Variants in PCSK5 observed in about 807,000 individuals in gnomAD.
PCSK5 encodes proprotein convertase subtilisin/kexin type 5, also known as prohormone convertase 5.
PCSK5 carries 129 observed loss-of-function variants against 233.2 expected under a neutral mutation model. That is an observed-to-expected ratio of 0.55 (90% CI 0.48 to 0.64). The LOEUF is 0.64. Among genes scored for constraint, PCSK5 ranks in the 30% least tolerant of loss-of-function variants. The pLI, the probability that PCSK5 is intolerant of heterozygous loss-of-function variation, is 0.00. For missense variants in PCSK5, 2,076 were observed against 2,430.1 expected, an observed-to-expected ratio of 0.85 and a Z score of 3.06; for synonymous variants, 825 against 879.2, an observed-to-expected ratio of 0.94 and a Z score of 1.09.
At chr9:76,216,256 G>C (rs1005958292) in intron 20 of PCSK5, among the ~76,000 whole-genome samples, 2 of 152,084 alleles carry the variant, frequency 1.3e-5, no homozygotes, top group African/African-American at 4.8e-5. Flanking sequence ...AGATGGGGTA[G>C]AGAGAAGCAT....
In PCSK5 at chr9:76,188,650, C is replaced by T; in HGVS notation, c.2355C>T (p.Cys785=). Residue 785 remains cysteine (C), a synonymous_variant, in exon 18 of 38, where the codon TGC becomes TGT. Coordinates refer to ENST00000674117, the MANE Select transcript of PCSK5 (RefSeq NM_001372043.1). ...TCAACGGCCAGGACTGCCAGCCCTGCCACCGCTTCTGCGCCACTTGTGCTG... is the reference window on the plus strand; with the variant it reads ...TCAACGGCCAGGACTGCCAGCCCTGTCACCGCTTCTGCGCCACTTGTGCTG... ...RYFNGQDCQP[C]HRFCATCAGA... 1 of 1,613,028 alleles carries T rather than the reference C, an allele frequency of 6.2e-7. No homozygotes were observed. The highest frequency in any genetic ancestry group is 8.5e-7 in the Non-Finnish European group (1 of 1,179,020).
intron 20 of PCSK5, among the ~76,000 whole-genome samples, chr9:76,214,294 T>TCA (rs34030142): frequency 0.42 from 63,200 of 150,644 alleles, 14,117 homozygotes; most frequent in East Asian, 0.64. Context: ...CCACATTCAC[T>TCA]CACACACACA....
chr9:76,244,209 G>C (rs1213223142), intron 24 of PCSK5, among the ~76,000 whole-genome samples: 1 of 152,140 alleles, frequency 6.6e-6, no homozygotes, highest in Non-Finnish European at 1.5e-5. Context: ...CTGGGCAACA[G>C]AGCAAGATCC....
chr9:76,084,122 G>A (rs547675535), intron 7 of PCSK5, among the ~76,000 whole-genome samples: 1 of 152,314 alleles, frequency 6.6e-6, no homozygotes, highest in South Asian at 2.1e-4. Flanking sequence ...GTGGAATTCT[G>A]TGTATTTAGA....
intron 24 of PCSK5, among the ~76,000 whole-genome samples, chr9:76,257,369 G>A (rs1228663531): frequency 6.6e-6 from 1 of 152,212 alleles, no homozygotes; most frequent in Non-Finnish European, 1.5e-5. Flanking sequence ...GGATAAGACA[G>A]GAGCATCTGC....
intron 20 of PCSK5, among the ~76,000 whole-genome samples, chr9:76,199,378 C>T (rs910037213): frequency 2.0e-5 from 3 of 152,188 alleles, no homozygotes; most frequent in Admixed American, 6.6e-5. Context: ...GTCATATATA[C>T]AGTCTGTTAT....
chr9:76,079,964 C>G (rs549847657), intron 7 of PCSK5, among the ~76,000 whole-genome samples: 8 of 152,276 alleles, frequency 5.3e-5, no homozygotes, highest in Admixed American at 1.3e-4. Flanking sequence ...TGGTAAATCA[C>G]ATTTATTGAT....
In PCSK5 at chr9:76,237,505, C is replaced by T. The variant is rs372607805; in HGVS notation, c.2867-1454C>T. Among the ~76,000 whole-genome samples the T allele has an allele frequency of 1.4e-4, 21 of 152,110 alleles. 1 individual carries two copies. The East Asian group carries it at 3.7e-3, about 27-fold the overall frequency. On this transcript the variant is annotated intron_variant, in intron 22 of 37. Transcript: ENST00000674117. ...ATTTCAGGCGAGGCACAGTGGCTCACGCCTGTAATCCCAGAACTTTGGGAG... is the reference window on the plus strand; with the variant it reads ...ATTTCAGGCGAGGCACAGTGGCTCATGCCTGTAATCCCAGAACTTTGGGAG...
chr9:76,258,686 C>T (rs1287399770), intron 24 of PCSK5, among the ~76,000 whole-genome samples: 1 of 152,160 alleles, frequency 6.6e-6, no homozygotes, highest in Non-Finnish European at 1.5e-5. Flanking sequence ...AAAAATTTGG[C>T]ATGCAAGAAC....
chr9:76,346,627 T>C (rs1284872562), intron 35 of PCSK5, among the ~76,000 whole-genome samples: 1 of 152,224 alleles, frequency 6.6e-6, no homozygotes, highest in East Asian at 1.9e-4. Flanking sequence ...AGCAGTCCTT[T>C]CTTTACTATA....
intron 24 of PCSK5, among the ~76,000 whole-genome samples, chr9:76,253,827 T>G (rs562315975): frequency 5.9e-5 from 9 of 152,362 alleles, no homozygotes; most frequent in African/African-American, 2.2e-4. Context: ...AGCAGTTTGT[T>G]TGGAGCAACC....
Position 76,107,273 on chromosome 9 carries a change from G to A in PCSK5, c.1130G>A (p.Arg377His). 6.2e-7 allele frequency: 1 copy of A among 1,613,546 alleles called. No homozygotes were observed. The highest frequency in any genetic ancestry group is 8.5e-7 in the Non-Finnish European group (1 of 1,179,610). The change falls in exon 9 of 38, where the codon CGT becomes CAT. Residue 377 changes from arginine (R) to histidine (H), a missense_variant. Around this residue, in one of 6 missense-constraint regions of PCSK5, gnomAD observed 178 missense variants for 393.6 expected, o/e 0.45. Coordinates refer to ENST00000674117, the MANE Select transcript of PCSK5 (RefSeq NM_001372043.1). Reference sequence around the variant, plus strand: ...CAGATCACTACAGATCTGAGGCAGCGTTGCACGGACAACCACACTGGGACG... The same window carrying A: ...CAGATCACTACAGATCTGAGGCAGCATTGCACGGACAACCACACTGGGACG... ...KKIITTDLRQ[R>H]CTDNHTGTSA...
intron 21 of PCSK5, among the ~76,000 whole-genome samples, chr9:76,231,967 T>TCGGC (rs2131316966): frequency 1.3e-5 from 2 of 152,052 alleles, no homozygotes; most frequent in East Asian, 3.9e-4. Flanking sequence ...TCGGCTTGAA[T>TCGGC]CCCATTCTGC....
intron 20 of PCSK5, among the ~76,000 whole-genome samples, chr9:76,199,778 A>T (rs559687378): frequency 2.6e-5 from 4 of 152,268 alleles, no homozygotes; most frequent in African/African-American, 9.6e-5. Context: ...GACTCTTAAA[A>T]TATATATAGA....
chr9:76,194,620 A>C (rs539854458), intron 20 of PCSK5: 1 of 352,722 alleles, frequency 2.8e-6, no homozygotes, highest in Admixed American at 4.1e-5. Context: ...TTTTTTAAGA[A>C]ATATTTTCAC....
Position 76,310,838 on chromosome 9 carries a change from T to TGAAGG in PCSK5, c.3871_3872insGAAGG (p.Ser1291Ter). On this transcript the variant is annotated stop_gained and frameshift_variant, in exon 30 of 38. Transcript: ENST00000674117. LOFTEE classifies it high-confidence loss of function. ...CTTCCTCCATGAAGGCAGGTGCTAC[T>TGAAGG]CCAAGTGCCCGGAGTAAGTTTCCTT... 6.3e-7 allele frequency: 1 copy of TGAAGG among 1,598,898 alleles called. No homozygotes were observed. The highest frequency in any genetic ancestry group is 1.1e-5 in the South Asian group (1 of 88,602).
chr9:76,317,102 G>C (rs1217076594), intron 30 of PCSK5, among the ~76,000 whole-genome samples: 1 of 151,990 alleles, frequency 6.6e-6, no homozygotes, highest in Non-Finnish European at 1.5e-5. Context: ...TGGGCACAGT[G>C]GCTCACACAT....
chr9:76,007,287 C>A (rs1384865938), intron 3 of PCSK5, among the ~76,000 whole-genome samples: 1 of 152,114 alleles, frequency 6.6e-6, no homozygotes, highest in African/African-American at 2.4e-5. Context: ...AGATGTGTTT[C>A]ATTTGTGTGC....
chr9:76,163,760 G>A (rs1822968405), intron 12 of PCSK5, among the ~76,000 whole-genome samples: 1 of 151,958 alleles, frequency 6.6e-6, no homozygotes, highest in Non-Finnish European at 1.5e-5. Context: ...TATATACTAT[G>A]ACACATTCAA....
Sources: gnomAD v4.1 joint callset for allele counts (sites outside exome capture counted in the v4.1 genomes callset) on GRCh38, gnomAD v4.1.1 for gene constraint, gnomAD v4.1.1 regional missense constraint, MANE v1.5 for transcripts, NCBI Gene and HGNC (gene_info 2026-07-23, HGNC 2026-07-21) for gene names.